TRAPPC9: variants seen among roughly 807,000 people sequenced by gnomAD.
The protein encoded by TRAPPC9 is trafficking protein particle complex subunit 9, also known as IKK2 binding protein.
A neutral mutation model predicts 124.0 loss-of-function variants in TRAPPC9; 83 were observed. That is an observed-to-expected ratio of 0.67 (90% CI 0.56 to 0.80). The LOEUF is 0.80. TRAPPC9 is among the 30% of genes least tolerant of loss of function. The pLI is 0.00. For synonymous variants in TRAPPC9, 638 were observed against 617.5 expected, an observed-to-expected ratio of 1.03 and a Z score of -0.49; for missense variants, 1,302 against 1,508.3, an observed-to-expected ratio of 0.86 and a Z score of 2.27.
chr8:140,422,721 T>C (rs1450874720), intron 5 of TRAPPC9, among the ~76,000 whole-genome samples: 1 of 138,572 alleles, frequency 7.2e-6, no homozygotes, highest in Non-Finnish European at 1.5e-5. Context: ...ACCACTGCAC[T>C]CCAGCCTGGG....
intron 9 of TRAPPC9, among the ~76,000 whole-genome samples, chr8:140,339,599 A>G (rs1025616776): frequency 1.3e-5 from 2 of 152,174 alleles, no homozygotes; most frequent in African/African-American, 4.8e-5. Flanking sequence ...GTCCAAACAA[A>G]CAAACGAGGC....
intron 21 of TRAPPC9, among the ~76,000 whole-genome samples, chr8:139,835,931 C>CTA (rs1826311759): frequency 6.6e-6 from 1 of 152,170 alleles, no homozygotes; most frequent in Admixed American, 6.5e-5. Flanking sequence ...ATATCTATAT[C>CTA]TACCTACCCA....
intron 17 of TRAPPC9, among the ~76,000 whole-genome samples, chr8:140,142,281 A>T (rs576305546): frequency 6.6e-6 from 1 of 152,360 alleles, no homozygotes; most frequent in Non-Finnish European, 1.5e-5. Context: ...TCCAAGTGCC[A>T]AGAATTGAAC....
intron 21 of TRAPPC9, 124 bp downstream of exon 21, chr8:139,885,755 G>A (rs551758519): frequency 1.9e-5 from 17 of 905,332 alleles, no homozygotes; most frequent in East Asian, 1.3e-4. Flanking sequence ...AAGGTTTCCC[G>A]TGATGACCTT....
At chr8:139,736,024 T>C (rs897597232) in intron 21 of TRAPPC9, among the ~76,000 whole-genome samples, 1 of 152,198 alleles carries the variant, frequency 6.6e-6, no homozygotes, top group Admixed American at 6.5e-5. Flanking sequence ...CCCTTCACCC[T>C]GGGAAAGGCC....
At chr8:140,031,346 T>C (rs1009797419) in intron 17 of TRAPPC9, among the ~76,000 whole-genome samples, 3 of 152,354 alleles carry the variant, frequency 2.0e-5, no homozygotes, top group South Asian at 2.1e-4. Flanking sequence ...CCAGCTCTTA[T>C]ATGAACAGTT....
At chr8:140,119,032 T>C (rs1358044796) in intron 17 of TRAPPC9, among the ~76,000 whole-genome samples, 2 of 152,270 alleles carry the variant, frequency 1.3e-5, no homozygotes, top group Admixed American at 1.3e-4. Flanking sequence ...CCAAATGCAG[T>C]CTAATGTCAG....
At chr8:140,003,601 CAAAA>C (rs58826807) in intron 18 of TRAPPC9, among the ~76,000 whole-genome samples, 264 of 91,386 alleles carry the variant, frequency 2.9e-3, no homozygotes, top group Middle Eastern at 0.012. Context: ...GACCCTGTCA[CAAAA>C]AAAAAAAAAA....
At chr8:140,083,072 A>C (rs936949355) in intron 17 of TRAPPC9, among the ~76,000 whole-genome samples, 20 of 152,196 alleles carry the variant, frequency 1.3e-4, no homozygotes, top group Admixed American at 1.3e-3. Flanking sequence ...ATGTGCCTGT[A>C]GTCCCAGCTG....
intron 16 of TRAPPC9, among the ~76,000 whole-genome samples, chr8:140,232,576 C>T (rs1217798928): frequency 6.6e-6 from 1 of 152,136 alleles, no homozygotes; most frequent in Non-Finnish European, 1.5e-5. Context: ...GATATGGAGT[C>T]GAAGCCCCGG....
chr8:140,249,597 C>CTTTTTTTTTTTT (rs35511380), intron 16 of TRAPPC9, among the ~76,000 whole-genome samples: 1 of 81,964 alleles, frequency 1.2e-5, no homozygotes, highest in Non-Finnish European at 2.1e-5. Context: ...ATCTTTCACT[C>CTTTTTTTTTTTT]TTTTTTTTTT....
At chr8:140,192,339 G>A (rs1239434413) in intron 17 of TRAPPC9, among the ~76,000 whole-genome samples, 1 of 152,234 alleles carries the variant, frequency 6.6e-6, no homozygotes, top group African/African-American at 2.4e-5. Context: ...CTAGAGTGAT[G>A]GGTGCCATAT....
intron 15 of TRAPPC9, among the ~76,000 whole-genome samples, chr8:140,255,779 A>G (rs1035573763): frequency 2.0e-5 from 3 of 152,188 alleles, no homozygotes; most frequent in African/African-American, 7.2e-5. Flanking sequence ...CTGGCTATTC[A>G]GGAGCCCAAG....
At chr8:139,890,721 G>T (rs1376719988) in intron 20 of TRAPPC9, among the ~76,000 whole-genome samples, 3 of 152,224 alleles carry the variant, frequency 2.0e-5, no homozygotes, top group Non-Finnish European at 1.5e-5. Flanking sequence ...CAGGCCCCAA[G>T]TGAGGTTAGA....
At chr8:140,347,773 G>A (rs116347184) in intron 9 of TRAPPC9, among the ~76,000 whole-genome samples, 128 of 152,252 alleles carry the variant, frequency 8.4e-4, no homozygotes, top group African/African-American at 2.8e-3. Flanking sequence ...AACAAGTGTC[G>A]GAATAATTTC....
At chr8:140,033,657 G>GTTTTT (rs1491525674) in intron 17 of TRAPPC9, among the ~76,000 whole-genome samples, 21 of 49,296 alleles carry the variant, frequency 4.3e-4, no homozygotes, top group South Asian at 1.3e-3. Context: ...TTCATAATGT[G>GTTTTT]GTTTTTTTTT....
At chr8:140,142,418 T>C (rs968113539) in intron 17 of TRAPPC9, among the ~76,000 whole-genome samples, 8 of 152,238 alleles carry the variant, frequency 5.3e-5, no homozygotes, top group African/African-American at 1.7e-4. Context: ...TAGGCTGGTG[T>C]GGGCCGGCAC....
chr8:140,119,409 G>A (rs1020104318), intron 17 of TRAPPC9, among the ~76,000 whole-genome samples: 8 of 152,086 alleles, frequency 5.3e-5, no homozygotes, highest in African/African-American at 1.7e-4. Flanking sequence ...TCCCCACCAC[G>A]CCGCCAGCAC....
rs116264005 is a variant in TRAPPC9, at chr8:139,981,443, A to T, written c.2810+7283T>A. Among the ~76,000 whole-genome samples, 333 of 152,344 alleles carry T rather than the reference A, an allele frequency of 2.2e-3. 1 individual carries two copies. Among genetic ancestry groups the T allele is most frequent in the African/African-American group, 7.5e-3 (313 of 41,574 alleles). ...ACAAAGAAAATCCACGCAAAAACTC[A>T]TCTGTAACTCATACTGCAGAAGGAA... On this transcript the variant is annotated intron_variant, in intron 19 of 22. Coordinates refer to ENST00000438773, the MANE Select transcript of TRAPPC9 (RefSeq NM_001160372.4).
Sources: allele counts gnomAD v4.1 joint callset (sites outside exome capture counted in the v4.1 genomes callset), GRCh38; gene constraint gnomAD v4.1.1; transcripts MANE v1.5; gene names NCBI Gene and HGNC (gene_info 2026-07-23, HGNC 2026-07-21).